CLVS2: variants seen among roughly 807,000 people sequenced by gnomAD.
The protein encoded by CLVS2 is clavesin-2.
Under a neutral mutation model 29.0 loss-of-function variants are expected in CLVS2, and 19 were observed. That is an observed-to-expected ratio of 0.66 (90% CI 0.46 to 0.96). The LOEUF is 0.96. Ranked by LOEUF, CLVS2 falls within the 40% of genes least tolerant of loss-of-function variation. CLVS2 has a pLI of 0.00. For missense variants in CLVS2, 294 were observed against 404.1 expected, an observed-to-expected ratio of 0.73 and a Z score of 2.34; for synonymous variants, 161 against 151.3, an observed-to-expected ratio of 1.06 and a Z score of -0.47.
chr6:122,996,901 C>G (rs1043133461), intron 1 of CLVS2, among the ~76,000 whole-genome samples, 155 bp downstream of exon 1: 2 of 152,152 alleles, frequency 1.3e-5, no homozygotes, highest in Admixed American at 6.5e-5. Context: ...CCCCCTCCCC[C>G]CTTTTCTCCA....
chr6:123,061,890 A>T (rs1044287160), intron 5 of CLVS2, among the ~76,000 whole-genome samples: 1 of 152,032 alleles, frequency 6.6e-6, no homozygotes, highest in African/African-American at 2.4e-5. Flanking sequence ...TTTATGAAAA[A>T]TTTAAAATTT....
intron 3 of CLVS2, among the ~76,000 whole-genome samples, chr6:123,044,689 T>A (rs1457111776): frequency 6.6e-6 from 1 of 151,618 alleles, no homozygotes; most frequent in Non-Finnish European, 1.5e-5. Context: ...TTGTCTCGGC[T>A]GGTAGAGGGA....
intron 4 of CLVS2, among the ~76,000 whole-genome samples, chr6:123,051,404 C>A (rs1772608343): frequency 6.6e-6 from 1 of 152,168 alleles, no homozygotes; most frequent in African/African-American, 2.4e-5. Context: ...ATGGCCACTT[C>A]TGATGTCCTC....
chr6:123,021,457 A>G (rs557657457), intron 3 of CLVS2, among the ~76,000 whole-genome samples: 5 of 151,490 alleles, frequency 3.3e-5, no homozygotes, highest in Non-Finnish European at 7.4e-5. Flanking sequence ...TTTTCCTCTG[A>G]TTTTTTTTGG....
chr6:123,049,097 G>A (rs1772565438), intron 4 of CLVS2, among the ~76,000 whole-genome samples: 7 of 152,104 alleles, frequency 4.6e-5, no homozygotes, highest in Admixed American at 3.3e-4. Flanking sequence ...GCTGGTAAGT[G>A]GATGTTTTTT....
At chr6:122,998,405 C>T (rs1298353047) in intron 2 of CLVS2, among the ~76,000 whole-genome samples, 2 of 152,244 alleles carry the variant, frequency 1.3e-5, no homozygotes, top group Admixed American at 6.5e-5. Context: ...AAGGTGCTAC[C>T]TTAACCACGT....
chr6:123,011,558 T>A (rs1477069077), intron 3 of CLVS2, among the ~76,000 whole-genome samples: 2 of 152,058 alleles, frequency 1.3e-5, no homozygotes, highest in African/African-American at 4.8e-5. Flanking sequence ...ATCAGCAATA[T>A]GTTCAACTGT....
intron 4 of CLVS2, among the ~76,000 whole-genome samples, chr6:123,051,980 C>G (rs994601348): frequency 1.3e-5 from 2 of 152,068 alleles, no homozygotes; most frequent in African/African-American, 2.4e-5. Flanking sequence ...ACTGCCTGGT[C>G]CAGAGATGCA....
intron 3 of CLVS2, among the ~76,000 whole-genome samples, chr6:123,045,512 A>G (rs911443815): frequency 2.0e-5 from 3 of 152,014 alleles, no homozygotes; most frequent in Non-Finnish European, 4.4e-5. Flanking sequence ...CTCAGCTAAT[A>G]AGGTGCTTAG....
chr6:123,050,171 C>G (rs1204938260), intron 4 of CLVS2, among the ~76,000 whole-genome samples: 1 of 152,040 alleles, frequency 6.6e-6, no homozygotes, highest in East Asian at 1.9e-4. Context: ...TTTCTACCAC[C>G]AAGTATTAAA....
chr6:123,067,730 A>G lies in CLVS2; in HGVS notation c.*3969A>G, dbSNP rs1301983353. The stretch of plus-strand genomic sequence containing the variant: ...CCTGAAACATAGTAATGCATTTGAA[A>G]TTTGTGAGGTCACTGATCATACAAG... On this transcript the variant is annotated 3_prime_UTR_variant, in exon 6 of 6. Coordinates refer to ENST00000275162, the MANE Select transcript of CLVS2 (RefSeq NM_001010852.4). 1.3e-5 allele frequency: 2 copies of G among 151,800 alleles called. No individual in the cohort carries two copies. Among genetic ancestry groups the G allele is most frequent in the African/African-American group, 4.8e-5 (2 of 41,426 alleles). 9.4% of individuals were successfully genotyped at this position (151,800 alleles called of 1,614,324 possible).
rs144835937 is a variant in CLVS2 at position 123,008,838 on chromosome 6, A to G, written c.390-2147A>G. On this transcript the variant is annotated intron_variant, in intron 2 of 5. Coordinates refer to ENST00000275162, the MANE Select transcript of CLVS2 (RefSeq NM_001010852.4). ...TAGGCCAGCCATAAAGGGACTTTTA[A>G]AGGTGTTCACCCACACATGTTTCAG... Among the ~76,000 whole-genome samples, 909 of 152,118 alleles carry G rather than the reference A, an allele frequency of 6.0e-3. 8 individuals are homozygous for G. Among genetic ancestry groups the G allele is most frequent in the African/African-American group, 0.021 (860 of 41,506 alleles).
At chr6:123,062,918 T>A (rs1234384285) in intron 5 of CLVS2, among the ~76,000 whole-genome samples, 2 of 152,168 alleles carry the variant, frequency 1.3e-5, no homozygotes, top group African/African-American at 4.8e-5. Flanking sequence ...TCATTGATTT[T>A]CCTCTTTCCC....
chr6:123,002,124 A>G (rs955652273), intron 2 of CLVS2, among the ~76,000 whole-genome samples: 10 of 152,332 alleles, frequency 6.6e-5, no homozygotes, highest in Admixed American at 6.5e-4. Context: ...ATTTATCTGG[A>G]ATCTAGTTAA....
chr6:123,034,645 A>G (rs1170755217), intron 3 of CLVS2, among the ~76,000 whole-genome samples: 1 of 152,114 alleles, frequency 6.6e-6, no homozygotes, highest in Non-Finnish European at 1.5e-5. Flanking sequence ...TGTATCTTGA[A>G]TGTGGTAGTG....
chr6:123,023,598 A>C (rs1774955039), intron 3 of CLVS2, among the ~76,000 whole-genome samples: 1 of 152,110 alleles, frequency 6.6e-6, no homozygotes, highest in Non-Finnish European at 1.5e-5. Flanking sequence ...CCACATAAGG[A>C]AGAAAGAGAT....
chr6:123,012,403 C>A (rs1774761753), intron 3 of CLVS2, among the ~76,000 whole-genome samples: 1 of 151,820 alleles, frequency 6.6e-6, no homozygotes, highest in South Asian at 2.1e-4. Context: ...TAATTGTTAT[C>A]CCTATTTAAC....
rs570963915 is a variant in CLVS2 at position 123,012,847 on chromosome 6, A to AGG, written c.564+1690_564+1691dup. Among the ~76,000 whole-genome samples the AGG allele has an allele frequency of 7.6e-4, 116 of 152,154 alleles. 2 individuals are homozygous for AGG. The East Asian group carries it at 0.02, about 26-fold the overall frequency. ...TCCCAGAACACAAGACAGAGTAAGA[A>AGG]GGGTTGATTCCTCCTAATTCCCAAT... On this transcript the variant is annotated intron_variant, in intron 3 of 5. Coordinates refer to ENST00000275162, the MANE Select transcript of CLVS2 (RefSeq NM_001010852.4).
At position 122,998,273 on chromosome 6, in the gene CLVS2, C is replaced by T; in HGVS notation, c.389+107C>T. 2.2e-6 allele frequency: 3 copies of T among 1,356,764 alleles called. No homozygotes were observed. The South Asian group carries it at 4.3e-5, about 20-fold the overall frequency. The allele number at this position is 1,356,764 out of a possible 1,614,324, so 84.0% of individuals were successfully genotyped here. A position where few individuals can be genotyped will look rare whatever the true frequency, so the allele number is the denominator to read the frequency against. ...AGATTTGATATTTTTGTTTATTTGG[C>T]TTGGAGAAAAGAGAAACAAACCAGG... On this transcript the variant is annotated intron_variant, in intron 2 of 5. Coordinates refer to ENST00000275162, the MANE Select transcript of CLVS2 (RefSeq NM_001010852.4).
Sources: gnomAD v4.1 joint callset for allele counts (sites outside exome capture counted in the v4.1 genomes callset) on GRCh38, gnomAD v4.1.1 for gene constraint, MANE v1.5 for transcripts, NCBI Gene and HGNC (gene_info 2026-07-23, HGNC 2026-07-21) for gene names.